EXO5: variants seen among roughly 807,000 people sequenced by gnomAD.
EXO5 encodes exonuclease 5, also known as exonuclease V.
A neutral mutation model predicts 17.8 loss-of-function variants in EXO5; 11 were observed. The ratio of observed to expected loss-of-function variants is 0.62; its 90% CI spans 0.39 to 1.02. The LOEUF (loss-of-function observed/expected upper bound fraction) is 1.02. Among genes scored for constraint, EXO5 ranks in the 50% least tolerant of loss-of-function variants. The pLI, the probability that EXO5 is intolerant of heterozygous loss-of-function variation, is 0.00. For missense variants in EXO5, 364 were observed against 434.8 expected (o/e 0.84, Z 1.45); for synonymous variants, 147 against 166.5 (o/e 0.88, Z 0.90).
intron 3 of EXO5, among the ~76,000 whole-genome samples, chr1:40,512,675 C>G (rs1443006302): frequency 6.6e-6 from 1 of 152,140 alleles, no homozygotes; most frequent in African/African-American, 2.4e-5. Context: ...TATCTCAGCT[C>G]ACTGCAACCT....
At chr1:40,509,265 G>T (rs1488904218) in intron 1 of EXO5, 186 bp from the exon 2 acceptor site, 1 of 152,360 alleles carries the variant, frequency 6.6e-6, no homozygotes, top group South Asian at 2.1e-4. Context: ...ACAAGTCCGG[G>T]CCGCACTGAA....
In EXO5 at chr1:40,515,474, C is replaced by G; in HGVS notation, c.930C>G (p.Phe310Leu). Residue 310 changes from phenylalanine to leucine, a missense_variant, in exon 4 of 4, where the codon TTC becomes TTG. Coordinates refer to ENST00000415550, the MANE Select transcript of EXO5 (RefSeq NM_001346953.2). Reference sequence around the variant, plus strand: ...TGCTGGGTACTGAGATTGTAGCCTTCAAAGAGAAGGAGGTGAGAGCCAAGG... The same window carrying G: ...TGCTGGGTACTGAGATTGTAGCCTTGAAAGAGAAGGAGGTGAGAGCCAAGG... ...ATVLGTEIVAFKEKEVRAKVQ... is the reference protein window; with the variant it reads ...ATVLGTEIVALKEKEVRAKVQ... 1 of 1,613,788 alleles carries G rather than the reference C, an allele frequency of 6.2e-7. No homozygotes were observed. Among genetic ancestry groups the G allele is most frequent in the Non-Finnish European group, 8.5e-7 (1 of 1,179,960 alleles).
In EXO5 at chr1:40,516,008, G is replaced by C. The variant is rs1204017221; in HGVS notation, c.*342G>C. 8.4e-6 allele frequency: 2 copies of C among 237,830 alleles called. No homozygotes were observed. The highest frequency in any genetic ancestry group is 4.6e-5 in the African/African-American group (2 of 43,050). The allele number at this position is 237,830 out of a possible 1,614,324, so 14.7% of individuals were successfully genotyped here. On this transcript the variant is annotated 3_prime_UTR_variant, in exon 4 of 4. Transcript: ENST00000415550. ...TTTATCTTGATCAAGGCTTTCTACA[G>C]TTACATAATAAAATGAAATGCTGTC... is the stretch of plus-strand genomic sequence containing the variant.
chr1:40,511,870 CT>C (rs1419708396), intron 3 of EXO5, among the ~76,000 whole-genome samples: 1 of 138,296 alleles, frequency 7.2e-6, no homozygotes, highest in Admixed American at 7.7e-5. Flanking sequence ...TGCCTAGTTT[CT>C]TTTTTCTTTT....
intron 3 of EXO5, among the ~76,000 whole-genome samples, chr1:40,510,555 A>G (rs1482248657): frequency 6.6e-6 from 1 of 152,208 alleles, no homozygotes; most frequent in Non-Finnish European, 1.5e-5. Context: ...ACCTGTTCTC[A>G]ATGTTGTATG....
chr1:40,515,709 G>T lies in EXO5; in HGVS notation c.*43G>T, dbSNP rs74068725. 3 of 1,562,760 alleles carry T rather than the reference G, an allele frequency of 1.9e-6. No homozygotes were observed. The highest frequency in any genetic ancestry group is 2.6e-6 in the Non-Finnish European group (3 of 1,155,604). On this transcript the variant is annotated 3_prime_UTR_variant, in exon 4 of 4. Transcript: ENST00000415550. ...AAGAATGTTGATCCTTCCTGCTCCTGTTGTACCTAAGCAAAAGAGGACCAG... is the reference window on the plus strand; with the variant it reads ...AAGAATGTTGATCCTTCCTGCTCCTTTTGTACCTAAGCAAAAGAGGACCAG...
At chr1:40,511,791 A>T (rs1645782047) in intron 3 of EXO5, among the ~76,000 whole-genome samples, 1 of 152,098 alleles carries the variant, frequency 6.6e-6, no homozygotes, top group African/African-American at 2.4e-5. Flanking sequence ...TGTTTTGCTT[A>T]CTCTCTATGC....
Position 40,514,751 on chromosome 1 carries a change from A to G in EXO5, c.207A>G (p.Ile69Met). The G allele has an allele frequency of 6.2e-7, 1 of 1,614,168 alleles. No homozygotes were observed. Among genetic ancestry groups the G allele is most frequent in the Non-Finnish European group, 8.5e-7 (1 of 1,180,012 alleles). Reference sequence around the variant, plus strand: ...AAAACTGGAAAAGAGGATTGGATATATTATCACCCATGGAGAGATTCCACC... The same window carrying G: ...AAAACTGGAAAAGAGGATTGGATATGTTATCACCCATGGAGAGATTCCACC... Reference protein sequence around the residue: ...SLQNWKRGLDILSPMERFHLK... With the variant: ...SLQNWKRGLDMLSPMERFHLK... The change falls in exon 4 of 4, where the codon ATA (isoleucine) becomes ATG (methionine). Residue 69 changes from isoleucine (I) to methionine (M), a missense_variant. By Grantham distance (10) the Ile-to-Met change is conservative (BLOSUM62 1). Transcript: ENST00000415550.
At chr1:40,510,606 T>A (rs1645756305) in intron 3 of EXO5, among the ~76,000 whole-genome samples, 1 of 152,206 alleles carries the variant, frequency 6.6e-6, no homozygotes, top group Non-Finnish European at 1.5e-5. Context: ...GAGCTTCCTC[T>A]CTCTTTGGGG....
rs562627911 is a variant in EXO5 at position 40,514,701 on chromosome 1, A to G, written c.157A>G (p.Lys53Glu). 2 of 1,614,182 alleles carry G rather than the reference A, an allele frequency of 1.2e-6. No individual in the cohort carries two copies. The highest frequency in any genetic ancestry group is 3.3e-5 in the Admixed American group (2 of 60,002). ...MPGPSSESLG[K>E]DDKPISLQNW... ...TGGCCCATCTTCTGAATCCCTTGGG[A>G]AGGATGACAAACCCATAAGCTTACA... Residue 53 changes from lysine to glutamate, a missense_variant, in exon 4 of 4, where the codon AAG (lysine) becomes GAG (glutamate). Transcript: ENST00000415550.
At chr1:40,512,168 C>T (rs900103493) in intron 3 of EXO5, among the ~76,000 whole-genome samples, 9 of 152,208 alleles carry the variant, frequency 5.9e-5, no homozygotes, top group African/African-American at 1.9e-4. Context: ...TGAACCACTG[C>T]GCTTGGCCGC....
At position 40,514,681 on chromosome 1, in the gene EXO5, C is replaced by T. The variant is rs867517703; in HGVS notation, c.137C>T (p.Pro46Leu). The T allele has an allele frequency of 2.5e-6, 4 of 1,614,176 alleles. No homozygotes were observed. The highest frequency in any genetic ancestry group is 1.7e-5 in the Admixed American group (1 of 60,020). The change falls in exon 4 of 4, where the codon CCA becomes CTA. Residue 46 changes from proline (P) to leucine (L), a missense_variant. Pro to Leu is a moderately conservative substitution (Grantham distance 98). Transcript: ENST00000415550. ...AAGGCTTTAGTTAACATGCCTGGCCCATCTTCTGAATCCCTTGGGAAGGAT... is the reference window on the plus strand; with the variant it reads ...AAGGCTTTAGTTAACATGCCTGGCCTATCTTCTGAATCCCTTGGGAAGGAT... ...ESKALVNMPG[P>L]SSESLGKDDK...
At chr1:40,510,556 A>G (rs905281447) in intron 3 of EXO5, among the ~76,000 whole-genome samples, 1 of 152,226 alleles carries the variant, frequency 6.6e-6, no homozygotes, top group African/African-American at 2.4e-5. Context: ...CCTGTTCTCA[A>G]TGTTGTATGT....
intron 3 of EXO5, among the ~76,000 whole-genome samples, chr1:40,512,541 C>CT (rs1345185550): frequency 6.6e-6 from 1 of 152,216 alleles, no homozygotes; most frequent in Non-Finnish European, 1.5e-5. Context: ...AGTTGTTCAT[C>CT]TACATGGTGT....
chr1:40,515,052 G>A lies in EXO5; in HGVS notation c.508G>A (p.Gly170Arg). Reference sequence around the variant, plus strand: ...GCACATCAGAGAGTTTCCAGTGTTTGGGGAAGGGGAGGGTGTACTTCTTGT... The same window carrying A: ...GCACATCAGAGAGTTTCCAGTGTTTAGGGAAGGGGAGGGTGTACTTCTTGT... ...EGHIREFPVF[G>R]EGEGVLLVGV... The change falls in exon 4 of 4, where the codon GGG becomes AGG. Residue 170 changes from glycine to arginine, a missense_variant. By Grantham distance (125) the Gly-to-Arg change is moderately radical. Coordinates refer to ENST00000415550, the MANE Select transcript of EXO5 (RefSeq NM_001346953.2). The A allele has an allele frequency of 6.2e-7, 1 of 1,614,124 alleles. No homozygotes were observed. The highest frequency in any genetic ancestry group is 1.3e-5 in the African/African-American group (1 of 75,024).
At position 40,514,723 on chromosome 1, in the gene EXO5, T is replaced by C; in HGVS notation, c.179T>C (p.Leu60Ser). The C allele has an allele frequency of 1.2e-6, 2 of 1,614,150 alleles. No homozygotes were observed. The highest frequency in any genetic ancestry group is 1.7e-6 in the Non-Finnish European group (2 of 1,180,008). ...GGGAAGGATGACAAACCCATAAGCT[T>C]ACAAAACTGGAAAAGAGGATTGGAT... ...SLGKDDKPISLQNWKRGLDIL... is the reference protein window; with the variant it reads ...SLGKDDKPISSQNWKRGLDIL... The change falls in exon 4 of 4, where the codon TTA (leucine) becomes TCA (serine). Residue 60 changes from leucine to serine, a missense_variant. Coordinates refer to ENST00000415550, the MANE Select transcript of EXO5 (RefSeq NM_001346953.2).
chr1:40,511,884 C>CT (rs57507753), intron 3 of EXO5, among the ~76,000 whole-genome samples: 6,141 of 145,650 alleles, frequency 0.042, 188 homozygotes, highest in Non-Finnish European at 0.064. Context: ...TTTCTTTTTT[C>CT]TTTTTTTTTT....
rs1243505551 is a variant in EXO5 at position 40,515,625 on chromosome 1, C to T, written c.1081C>T (p.Leu361Phe). 2 of 1,613,592 alleles carry T rather than the reference C, an allele frequency of 1.2e-6. No homozygotes were observed. Among genetic ancestry groups the T allele is most frequent in the Non-Finnish European group, 1.7e-6 (2 of 1,179,966 alleles). The change falls in exon 4 of 4, where the codon CTC (leucine) becomes TTC (phenylalanine). Residue 361 changes from leucine (L) to phenylalanine (F), a missense_variant. By Grantham distance (22) the Leu-to-Phe change is conservative (BLOSUM62 0). Coordinates refer to ENST00000415550, the MANE Select transcript of EXO5 (RefSeq NM_001346953.2). ...ICEWRKGSGV[L>F]SSTLAPQVKK... Reference sequence around the variant, plus strand: ...TGAGTGGAGAAAGGGCAGTGGAGTGCTCAGCTCTACACTGGCGCCCCAAGT... The same window carrying T: ...TGAGTGGAGAAAGGGCAGTGGAGTGTTCAGCTCTACACTGGCGCCCCAAGT...
rs151326898 is a variant in EXO5 at position 40,515,505 on chromosome 1, C to T, written c.961C>T (p.His321Tyr). 6.2e-7 allele frequency: 1 copy of T among 1,613,692 alleles called. No homozygotes were observed. Among genetic ancestry groups the T allele is most frequent in the African/African-American group, 1.3e-5 (1 of 74,798 alleles). Reference sequence around the variant, plus strand: ...GAAGGAGGTGAGAGCCAAGGTGCAGCATTATATGGCCTACTGGATGGGCCA... The same window carrying T: ...GAAGGAGGTGAGAGCCAAGGTGCAGTATTATATGGCCTACTGGATGGGCCA... ...KEKEVRAKVQ[H>Y]YMAYWMGHRE... is the part of the protein sequence containing the mutation. Residue 321 changes from histidine (H) to tyrosine (Y), a missense_variant, in exon 4 of 4, where the codon CAT (histidine) becomes TAT (tyrosine). His to Tyr is a moderately conservative substitution (Grantham distance 83). Transcript: ENST00000415550.
Sources: gnomAD v4.1 joint callset for allele counts (sites outside exome capture counted in the v4.1 genomes callset) on GRCh38, gnomAD v4.1.1 for gene constraint, MANE v1.5 for transcripts, NCBI Gene and HGNC (gene_info 2026-07-23, HGNC 2026-07-21) for gene names.